The following MCTP2 variants were observed in gnomAD, a reference collection of about 807,000 sequenced individuals.
MCTP2 encodes the protein multiple C2 and transmembrane domain-containing protein 2.
Under a neutral mutation model 111.6 loss-of-function variants are expected in MCTP2, and 132 were observed. The observed-to-expected ratio is 1.18, with a 90% CI of 1.03 to 1.37. MCTP2 has a LOEUF of 1.37. Ranked by LOEUF, MCTP2 falls within the 40% of genes most tolerant of loss-of-function variation. The pLI, the probability that MCTP2 is intolerant of heterozygous loss-of-function variation, is 0.00. For synonymous variants in MCTP2, 395 were observed against 387.7 expected (o/e 1.02, Z -0.22); for missense variants, 1,183 against 1,067.9 (o/e 1.11, Z -1.50).
chr15:94,274,448 A>AG (rs2074077656), intron 1 of MCTP2, among the ~76,000 whole-genome samples: 1 of 152,194 alleles, frequency 6.6e-6, no homozygotes, highest in South Asian at 2.1e-4. Flanking sequence ...AAATCAACAG[A>AG]GGAAAAATTA....
At chr15:94,234,775 A>C (rs2070424557) in intron 1 of MCTP2, among the ~76,000 whole-genome samples, 1 of 152,170 alleles carries the variant, frequency 6.6e-6, no homozygotes, top group Non-Finnish European at 1.5e-5. Flanking sequence ...GAGTAAGGCG[A>C]AGTCCTGATT....
At chr15:94,387,735 C>T (rs1433478237) in intron 14 of MCTP2, among the ~76,000 whole-genome samples, 2 of 152,132 alleles carry the variant, frequency 1.3e-5, no homozygotes, top group Non-Finnish European at 2.9e-5. Context: ...AAGCAATATA[C>T]AGAATGTTAG....
chr15:94,354,235 A>G (rs891087133), intron 8 of MCTP2, among the ~76,000 whole-genome samples: 1 of 151,376 alleles, frequency 6.6e-6, no homozygotes, highest in Non-Finnish European at 1.5e-5. Context: ...TGCAGAACCT[A>G]TGTGTGTGTG....
chr15:94,346,119 C>T (rs902102291), intron 8 of MCTP2, among the ~76,000 whole-genome samples: 2 of 151,712 alleles, frequency 1.3e-5, no homozygotes, highest in Admixed American at 1.3e-4. Context: ...AGTTTGGATG[C>T]GGATGAGAGA....
chr15:94,367,919 G>A, intron 11 of MCTP2, 128 bp downstream of exon 11: 1 of 793,672 alleles, frequency 1.3e-6, no homozygotes, highest in South Asian at 2.1e-5. Flanking sequence ...AAGTTTCCTT[G>A]TACGTCATAA....
chr15:94,269,663 C>G (rs1203192648), intron 1 of MCTP2, among the ~76,000 whole-genome samples: 3 of 152,126 alleles, frequency 2.0e-5, no homozygotes, highest in African/African-American at 7.2e-5. Context: ...AGGAAATACT[C>G]AACAAATACA....
chr15:94,472,116 G>A (rs1452655034), intron 21 of MCTP2, among the ~76,000 whole-genome samples: 4 of 152,192 alleles, frequency 2.6e-5, no homozygotes, highest in South Asian at 4.1e-4. Context: ...AGTGGCTCAC[G>A]CCTGTAATCC....
chr15:94,233,768 A>T (rs1046674364), intron 1 of MCTP2, among the ~76,000 whole-genome samples: 1 of 152,222 alleles, frequency 6.6e-6, no homozygotes, highest in African/African-American at 2.4e-5. Context: ...CAGGAAAGTA[A>T]TTTTCAAATT....
At position 94,379,784 on chromosome 15, in the gene MCTP2, TTATA is replaced by T. The variant is rs934101778; in HGVS notation, c.1583-4234_1583-4231del. 1.7e-3 allele frequency among the ~76,000 whole-genome samples: 255 copies of T among 145,936 alleles called. 1 individual carries two copies. The highest frequency in any genetic ancestry group is 3.8e-3 in the African/African-American group (151 of 39,366). ...ATAATATATGATATGTAATATATAA[TTATA>T]TATGATATGTAATATATAATTATAT... On this transcript the variant is annotated intron_variant, in intron 12 of 22. Transcript: ENST00000357742.
chr15:94,465,111 T>G (rs921542271), intron 20 of MCTP2, among the ~76,000 whole-genome samples: 1 of 152,146 alleles, frequency 6.6e-6, no homozygotes, highest in Admixed American at 6.5e-5. Context: ...GCTTTCTATA[T>G]TTTGAAGCTA....
intron 20 of MCTP2, among the ~76,000 whole-genome samples, chr15:94,460,197 AAGAGATGTAGGAG>A (rs1225956960): frequency 6.6e-6 from 1 of 152,212 alleles, no homozygotes; most frequent in African/African-American, 2.4e-5. Context: ...TCAGCCCAGG[AAGAGATGTAGGAG>A]AAAGACAGAC....
intron 1 of MCTP2, among the ~76,000 whole-genome samples, chr15:94,249,587 G>C (rs2072262871): frequency 6.6e-6 from 1 of 151,576 alleles, no homozygotes. Context: ...CTGGGTTCAC[G>C]CCATTCTCCT....
At chr15:94,260,544 A>G (rs896852437) in intron 1 of MCTP2, among the ~76,000 whole-genome samples, 10 of 152,158 alleles carry the variant, frequency 6.6e-5, no homozygotes, top group Non-Finnish European at 1.3e-4. Context: ...GAACTTGTAC[A>G]AAGTTTATCT....
intron 1 of MCTP2, among the ~76,000 whole-genome samples, chr15:94,239,009 A>G (rs972085425): frequency 4.0e-4 from 50 of 123,740 alleles, no homozygotes; most frequent in African/African-American, 1.5e-3. Context: ...GTTGACCGTG[A>G]AAAAAAAAAA....
At chr15:94,401,277 A>G (rs1179457041) in intron 16 of MCTP2, among the ~76,000 whole-genome samples, 1 of 152,110 alleles carries the variant, frequency 6.6e-6, no homozygotes, top group Non-Finnish European at 1.5e-5. Context: ...AGCACTTACT[A>G]TGTGACAGGC....
chr15:94,281,934 T>C (rs1048858264), intron 1 of MCTP2, among the ~76,000 whole-genome samples: 1 of 152,202 alleles, frequency 6.6e-6, no homozygotes, highest in African/African-American at 2.4e-5. Flanking sequence ...ATTCCCTTTG[T>C]ATATGACCTG....
intron 4 of MCTP2, among the ~76,000 whole-genome samples, chr15:94,324,826 A>T (rs969523862): frequency 2.6e-5 from 4 of 152,118 alleles, no homozygotes; most frequent in Non-Finnish European, 4.4e-5. Flanking sequence ...TTATTATTCA[A>T]TTATTGTTGT....
intron 1 of MCTP2, among the ~76,000 whole-genome samples, chr15:94,256,141 C>T (rs1433591021): frequency 6.6e-6 from 1 of 152,118 alleles, no homozygotes; most frequent in Non-Finnish European, 1.5e-5. Context: ...AATTCCACAC[C>T]TGACCCTGTG....
chr15:94,235,507 C>T (rs181340422), intron 1 of MCTP2, among the ~76,000 whole-genome samples: 31 of 152,172 alleles, frequency 2.0e-4, no homozygotes, highest in Non-Finnish European at 4.0e-4. Flanking sequence ...GGCATGGAAT[C>T]CCTTATGGAG....
Sources: gnomAD v4.1 joint callset for allele counts (sites outside exome capture counted in the v4.1 genomes callset) on GRCh38, gnomAD v4.1.1 for gene constraint, MANE v1.5 for transcripts, NCBI Gene and HGNC (gene_info 2026-07-23, HGNC 2026-07-21) for gene names.